Variants in MID1 observed in about 807,000 individuals in gnomAD.
MID1 encodes the protein E3 ubiquitin-protein ligase Midline-1.
In MID1, 7 loss-of-function variants were observed where a neutral mutation model predicts 40.4. The ratio of observed to expected loss-of-function variants is 0.17; its 90% CI spans 0.10 to 0.33. The LOEUF (loss-of-function observed/expected upper bound fraction) is 0.33. MID1 is among the 10% of genes least tolerant of loss of function. The pLI, the probability that MID1 is intolerant of heterozygous loss-of-function variation, is 1.00. For missense variants in MID1, 367 were observed against 558.5 expected (o/e 0.66, Z 3.46); for synonymous variants, 229 against 221.2 (o/e 1.04, Z -0.31).
intron 1 of MID1, among the ~76,000 whole-genome samples, chrX:10,775,010 A>G (rs953690935): frequency 1.8e-4 from 20 of 109,475 alleles, no homozygotes; most frequent in African/African-American, 5.7e-4. Flanking sequence ...TGTAATAAGA[A>G]GCAAATTATA....
chrX:10,514,126 T>C (rs1238061446), intron 3 of MID1, among the ~76,000 whole-genome samples: 1 of 111,649 alleles, frequency 9.0e-6, no homozygotes, highest in Non-Finnish European at 1.9e-5. Flanking sequence ...ATTCAAACAT[T>C]AGAGGGTTTG....
At chrX:10,565,461 C>T (rs775470410) in intron 2 of MID1, 21 of 329,627 alleles carry the variant, frequency 6.4e-5, no homozygotes, top group African/African-American at 2.4e-4. Context: ...CACCCATTAG[C>T]GCTAAGGAGA....
At chrX:10,656,764 T>TA (rs1569139516) in intron 1 of MID1, among the ~76,000 whole-genome samples, 32 of 109,848 alleles carry the variant, frequency 2.9e-4, no homozygotes, top group African/African-American at 1.1e-3. Flanking sequence ...GTGATTTTTT[T>TA]TAAAAAAAAA....
intron 1 of MID1, among the ~76,000 whole-genome samples, chrX:10,571,741 C>G (rs1286060360): frequency 1.9e-5 from 2 of 106,429 alleles, no homozygotes; most frequent in African/African-American, 7.2e-5. Flanking sequence ...TAGTGAGACC[C>G]TATCTCTACC....
intron 6 of MID1, among the ~76,000 whole-genome samples, chrX:10,472,875 G>C (rs1249396530): frequency 8.9e-6 from 1 of 112,171 alleles, no homozygotes; most frequent in Non-Finnish European, 1.9e-5. Context: ...GCCCAGCCCT[G>C]GAACACAGGC....
At chrX:10,552,558 T>C (rs1039297630) in intron 2 of MID1, among the ~76,000 whole-genome samples, 6 of 111,305 alleles carry the variant, frequency 5.4e-5, no homozygotes, top group African/African-American at 2.0e-4. Flanking sequence ...AAATAGTCGT[T>C]ATACTTTTTT....
chrX:10,473,811 T>C (rs1016850662), intron 6 of MID1, among the ~76,000 whole-genome samples: 2 of 112,308 alleles, frequency 1.8e-5, no homozygotes, highest in African/African-American at 6.5e-5. Flanking sequence ...GTTCTACCAG[T>C]GAATATTCTC....
chrX:10,640,008 GA>G (rs1241713540), intron 1 of MID1, among the ~76,000 whole-genome samples: 3 of 111,816 alleles, frequency 2.7e-5, no homozygotes, highest in African/African-American at 9.8e-5. Flanking sequence ...AAGAGCTCCT[GA>G]AGGAAGCACT....
At chrX:10,676,853 G>C (rs1236320835) in intron 1 of MID1, among the ~76,000 whole-genome samples, 1 of 111,252 alleles carries the variant, frequency 9.0e-6, no homozygotes, top group Non-Finnish European at 1.9e-5. Flanking sequence ...AGGTCATGGC[G>C]AGGCACGGAG....
intron 1 of MID1, among the ~76,000 whole-genome samples, chrX:10,725,981 G>A (rs2043387882): frequency 8.9e-6 from 1 of 112,509 alleles, no homozygotes; most frequent in African/African-American, 3.2e-5. Flanking sequence ...CTCTTAAGAT[G>A]TTCTATATTT....
At chrX:10,733,064 G>A (rs1008366614) in intron 1 of MID1, among the ~76,000 whole-genome samples, 12 of 109,162 alleles carry the variant, frequency 1.1e-4, no homozygotes, top group African/African-American at 3.3e-4. Flanking sequence ...GGGTTTCACC[G>A]TGTTAGCCAG....
At chrX:10,662,485 C>T (rs2042921513) in intron 1 of MID1, among the ~76,000 whole-genome samples, 1 of 110,639 alleles carries the variant, frequency 9.0e-6, no homozygotes, top group Admixed American at 9.6e-5. Context: ...ACATAAATGT[C>T]CATTCATATT....
At chrX:10,704,716 GTATATA>G (rs771605675) in intron 1 of MID1, among the ~76,000 whole-genome samples, 48 of 78,079 alleles carry the variant, frequency 6.1e-4, no homozygotes, top group Non-Finnish European at 7.9e-4. Context: ...GTGTGTGTGT[GTATATA>G]TATATATATA....
intron 1 of MID1, among the ~76,000 whole-genome samples, chrX:10,778,587 C>T (rs1298695336): frequency 8.9e-6 from 1 of 112,026 alleles, no homozygotes; most frequent in African/African-American, 3.2e-5. Flanking sequence ...TTCAGGCGGG[C>T]CCAATGTCAT....
intron 5 of MID1, among the ~76,000 whole-genome samples, chrX:10,476,910 A>C (rs1009450984): frequency 8.9e-6 from 1 of 112,348 alleles, no homozygotes; most frequent in African/African-American, 3.2e-5. Context: ...ATACTTTAAA[A>C]ATGCTTTCCT....
At chrX:10,537,804 C>T (rs1430257250) in intron 2 of MID1, among the ~76,000 whole-genome samples, 1 of 111,792 alleles carries the variant, frequency 8.9e-6, no homozygotes, top group African/African-American at 3.3e-5. Flanking sequence ...TGTCCTGACA[C>T]GATTCAGATT....
At chrX:10,765,867 T>C (rs1464107009) in intron 1 of MID1, among the ~76,000 whole-genome samples, 1 of 86,817 alleles carries the variant, frequency 1.2e-5, no homozygotes, top group Non-Finnish European at 2.3e-5. Flanking sequence ...TCATGGATGC[T>C]AAAAGACAAA....
intron 1 of MID1, among the ~76,000 whole-genome samples, chrX:10,630,127 T>C (rs1936036225): frequency 8.9e-6 from 1 of 111,993 alleles, no homozygotes; most frequent in African/African-American, 3.2e-5. Flanking sequence ...GGCATTGTTC[T>C]AGGTGCTGAC....
chrX:10,773,203 T>A (rs2043781445), intron 1 of MID1, among the ~76,000 whole-genome samples: 1 of 112,177 alleles, frequency 8.9e-6, no homozygotes, highest in African/African-American at 3.2e-5. Flanking sequence ...TAACCTATTA[T>A]CAGATACTAA....
Sources: allele counts gnomAD v4.1 joint callset (sites outside exome capture counted in the v4.1 genomes callset), GRCh38; gene constraint gnomAD v4.1.1; transcripts MANE v1.5; gene names NCBI Gene and HGNC (gene_info 2026-07-23, HGNC 2026-07-21).